LMNTD1: variants seen among roughly 807,000 people sequenced by gnomAD.
LMNTD1 encodes lamin tail domain-containing protein 1.
A neutral mutation model predicts 50.9 loss-of-function variants in LMNTD1; 35 were observed. The observed-to-expected ratio is 0.69, with a 90% CI of 0.53 to 0.91. The LOEUF (loss-of-function observed/expected upper bound fraction) is 0.91. Among genes scored for constraint, LMNTD1 ranks in the 40% least tolerant of loss-of-function variants. LMNTD1 has a pLI of 0.00. For synonymous variants in LMNTD1, 153 were observed against 161.9 expected (o/e 0.94, Z 0.42); for missense variants, 470 against 475.5 (o/e 0.99, Z 0.11).
chr12:25,515,573 T>C (rs1940694704), intron 8 of LMNTD1, among the ~76,000 whole-genome samples: 1 of 152,154 alleles, frequency 6.6e-6, no homozygotes, highest in South Asian at 2.1e-4. Flanking sequence ...AATTTTTCTT[T>C]TTGGTAATGT....
chr12:25,596,303 A>C (rs554837586), intron 1 of LMNTD1, among the ~76,000 whole-genome samples: 2 of 152,164 alleles, frequency 1.3e-5, no homozygotes, highest in Non-Finnish European at 2.9e-5. Context: ...ATCTCTGATG[A>C]ATATAGGTGC....
chr12:25,614,684 A>C (rs1333349246), intron 1 of LMNTD1, among the ~76,000 whole-genome samples: 1 of 152,210 alleles, frequency 6.6e-6, no homozygotes, highest in Non-Finnish European at 1.5e-5. Context: ...GGGAGACAGA[A>C]TCAGACTTGA....
intron 9 of LMNTD1, 132 bp downstream of exon 9, chr12:25,503,606 A>G: frequency 1.7e-6 from 1 of 579,012 alleles, no homozygotes; most frequent in South Asian, 2.5e-5. Context: ...ATAAATATTT[A>G]ACAGAAAATT....
At chr12:25,562,722 G>T (rs941039640) in intron 1 of LMNTD1, among the ~76,000 whole-genome samples, 1 of 152,214 alleles carries the variant, frequency 6.6e-6, no homozygotes, top group African/African-American at 2.4e-5. Context: ...ATAATATCCT[G>T]AAGAGTGTTT....
intron 8 of LMNTD1, among the ~76,000 whole-genome samples, chr12:25,505,028 A>G (rs984708367): frequency 6.6e-6 from 1 of 152,206 alleles, no homozygotes; most frequent in African/African-American, 2.4e-5. Flanking sequence ...AAGGTTTTCA[A>G]TTGTACCCTG....
intron 1 of LMNTD1, among the ~76,000 whole-genome samples, chr12:25,645,161 T>C (rs1430210272): frequency 6.6e-6 from 1 of 152,156 alleles, no homozygotes; most frequent in Non-Finnish European, 1.5e-5. Context: ...ATAGAGAAAA[T>C]GGCTAGTTAG....
At chr12:25,575,660 A>C (rs1944977905) in intron 1 of LMNTD1, among the ~76,000 whole-genome samples, 1 of 149,484 alleles carries the variant, frequency 6.7e-6, no homozygotes, top group East Asian at 2.0e-4. Context: ...TTCCAGGAAC[A>C]AGGGAGGCAA....
intron 9 of LMNTD1, among the ~76,000 whole-genome samples, chr12:25,478,590 T>C (rs1475879627): frequency 6.6e-6 from 1 of 152,108 alleles, no homozygotes; most frequent in East Asian, 1.9e-4. Flanking sequence ...TTCGAGACCA[T>C]CCTGGCCAAC....
intron 1 of LMNTD1, among the ~76,000 whole-genome samples, chr12:25,584,433 GT>G (rs1450678774): frequency 6.6e-6 from 1 of 152,054 alleles, no homozygotes; most frequent in East Asian, 1.9e-4. Flanking sequence ...TTAGTTTTTG[GT>G]CAGCAAAAGT....
intron 1 of LMNTD1, among the ~76,000 whole-genome samples, chr12:25,626,131 C>T (rs955945004): frequency 1.3e-5 from 2 of 152,110 alleles, no homozygotes; most frequent in Non-Finnish European, 2.9e-5. Flanking sequence ...CTGTCTAAAA[C>T]AATGTGTCAG....
intron 3 of LMNTD1, among the ~76,000 whole-genome samples, chr12:25,549,124 G>T (rs1943601944): frequency 1.3e-5 from 2 of 152,030 alleles, no homozygotes; most frequent in African/African-American, 2.4e-5. Context: ...TTTGGCACAT[G>T]CATGTATGTG....
intron 9 of LMNTD1, among the ~76,000 whole-genome samples, chr12:25,490,718 C>T (rs546903486): frequency 5.9e-5 from 9 of 152,132 alleles, no homozygotes; most frequent in African/African-American, 9.7e-5. Flanking sequence ...TAATTGAATA[C>T]AGACATTAAT....
intron 1 of LMNTD1, among the ~76,000 whole-genome samples, chr12:25,593,990 C>T (rs922061202): frequency 1.3e-5 from 2 of 152,102 alleles, no homozygotes; most frequent in African/African-American, 2.4e-5. Flanking sequence ...AAGACAAGGT[C>T]TTTGAATTAA....
At chr12:25,585,769 G>A (rs954287041) in intron 1 of LMNTD1, among the ~76,000 whole-genome samples, 1 of 152,168 alleles carries the variant, frequency 6.6e-6, no homozygotes, top group Non-Finnish European at 1.5e-5. Flanking sequence ...TTTCTCATTG[G>A]TGAGTTATGC....
intron 6 of LMNTD1, among the ~76,000 whole-genome samples, chr12:25,521,846 C>T (rs1941345693): frequency 6.6e-6 from 1 of 152,122 alleles, no homozygotes; most frequent in East Asian, 1.9e-4. Flanking sequence ...ATTAAGGAGA[C>T]CCATAAGCAC....
chr12:25,641,485 T>G (rs2136626085), intron 1 of LMNTD1, among the ~76,000 whole-genome samples: 1 of 152,326 alleles, frequency 6.6e-6, no homozygotes, highest in East Asian at 1.9e-4. Flanking sequence ...TTTAAGCCTT[T>G]GTTCAGTTAA....
At chr12:25,559,548 T>C (rs1944199631) in intron 1 of LMNTD1, among the ~76,000 whole-genome samples, 1 of 152,198 alleles carries the variant, frequency 6.6e-6, no homozygotes, top group Admixed American at 6.5e-5. Flanking sequence ...TATAATCCTT[T>C]GGTTATATGT....
At chr12:25,516,547 A>G (rs1219200435) in intron 8 of LMNTD1, among the ~76,000 whole-genome samples, 2 of 152,210 alleles carry the variant, frequency 1.3e-5, no homozygotes, top group African/African-American at 4.8e-5. Context: ...AAGATTATAA[A>G]GGGCTAAAGT....
intron 9 of LMNTD1, among the ~76,000 whole-genome samples, chr12:25,486,125 T>C (rs2135911536): frequency 8.0e-6 from 1 of 124,832 alleles, no homozygotes; most frequent in South Asian, 3.4e-4. Flanking sequence ...ATATTGATTC[T>C]TCCTACCCAT....
Sources: allele counts gnomAD v4.1 joint callset (sites outside exome capture counted in the v4.1 genomes callset), GRCh38; gene constraint gnomAD v4.1.1; transcripts MANE v1.5; gene names NCBI Gene and HGNC (gene_info 2026-07-23, HGNC 2026-07-21).